The following ANKRD30A variants were observed in gnomAD, a reference collection of about 807,000 sequenced individuals.
ANKRD30A encodes ankyrin repeat domain 30A.
ANKRD30A carries 170 observed loss-of-function variants against 166.3 expected under a neutral mutation model. The ratio of observed to expected loss-of-function variants is 1.02; its 90% CI spans 0.90 to 1.16. The LOEUF (loss-of-function observed/expected upper bound fraction) is 1.16, where lower values mean the gene tolerates loss of function less well. Among genes scored for constraint, ANKRD30A ranks in the 50% most tolerant of loss-of-function variants. ANKRD30A has a pLI of 0.00. For missense variants in ANKRD30A, 1,630 were observed against 1,518.0 expected (o/e 1.07, Z -1.23); for synonymous variants, 564 against 508.9 (o/e 1.11, Z -1.46).
intron 24 of ANKRD30A, among the ~76,000 whole-genome samples, chr10:37,177,952 T>C (rs1425697230): frequency 6.7e-6 from 1 of 149,400 alleles, no homozygotes; most frequent in Non-Finnish European, 1.5e-5. Context: ...GAAGAGGAGC[T>C]GAATTACTAG....
intron 31 of ANKRD30A, among the ~76,000 whole-genome samples, chr10:37,211,819 C>T (rs540016925): frequency 0.014 from 2,194 of 152,010 alleles, 20 homozygotes; most frequent in South Asian, 0.023. Context: ...TTTTAATGAT[C>T]GCCATTCTAA....
chr10:37,210,894 A>T (rs949674423), intron 31 of ANKRD30A, among the ~76,000 whole-genome samples: 6 of 151,974 alleles, frequency 3.9e-5, no homozygotes, highest in Admixed American at 1.3e-4. Context: ...AGATTGCAAA[A>T]ATTTTCTCCC....
intron 31 of ANKRD30A, among the ~76,000 whole-genome samples, chr10:37,203,203 T>A (rs1193527904): frequency 6.6e-6 from 1 of 152,204 alleles, no homozygotes; most frequent in Non-Finnish European, 1.5e-5. Flanking sequence ...TTTAGACCAG[T>A]ATCCCTGATG....
the ANKRD30A span, among the ~76,000 whole-genome samples, chr10:37,244,544 C>T: frequency 2.6e-5 from 4 of 152,234 alleles, no homozygotes; most frequent in Non-Finnish European, 5.9e-5. Flanking sequence ...CAATACCATT[C>T]TGTGTGACCA....
intron 31 of ANKRD30A, among the ~76,000 whole-genome samples, chr10:37,210,261 C>T (rs1200712596): frequency 1.3e-5 from 2 of 152,120 alleles, no homozygotes; most frequent in African/African-American, 4.8e-5. Context: ...TGGTTTCCAG[C>T]TTCATCCATG....
chr10:37,160,239 T>C (rs961005309), intron 15 of ANKRD30A, among the ~76,000 whole-genome samples: 1 of 152,232 alleles, frequency 6.6e-6, no homozygotes, highest in Non-Finnish European at 1.5e-5. Context: ...GGGTATTTAC[T>C]GCTTCATCCA....
chr10:37,154,538 G>T (rs1336354050), intron 13 of ANKRD30A, among the ~76,000 whole-genome samples: 1 of 151,972 alleles, frequency 6.6e-6, no homozygotes, highest in Non-Finnish European at 1.5e-5. Context: ...TTTAGTCAGG[G>T]GAGAAGAAGA....
chr10:37,222,003 A>G (rs1293843328), intron 34 of ANKRD30A, among the ~76,000 whole-genome samples: 1 of 151,422 alleles, frequency 6.6e-6, no homozygotes, highest in East Asian at 1.9e-4. Context: ...AAACATTTAG[A>G]TCATGTATAG....
chr10:37,126,072 T>C, intron 1 of ANKRD30A, 64 bp downstream of exon 1: 1 of 1,503,580 alleles, frequency 6.7e-7, no homozygotes, highest in Non-Finnish European at 9.2e-7. Flanking sequence ...GATCGCCCCT[T>C]CAGAGTCGGG....
Position 37,217,730 on chromosome 10 carries a change from A to G in ANKRD30A, c.3119A>G (p.Asn1040Ser), listed in dbSNP as rs879241052. 3.8e-6 allele frequency: 6 copies of G among 1,589,298 alleles called. No individual in the cohort carries two copies. Among genetic ancestry groups the G allele is most frequent in the Non-Finnish European group, 5.1e-6 (6 of 1,169,308 alleles). ...TLNQEEEKRR[N>S]ADILNEKIRE... is the part of the protein sequence containing the mutation. ...AACCAAGAAGAAGAGAAGAGAAGAA[A>G]TGCCGATATATTAAATGAAAAAATT... The change falls in exon 33 of 36, where the codon AAT becomes AGT. Residue 1040 changes from asparagine (N) to serine (S), a missense_variant. Coordinates refer to ENST00000361713, the MANE Select transcript of ANKRD30A (RefSeq NM_052997.3).
At chr10:37,150,200 G>A (rs1215766406) in intron 11 of ANKRD30A, among the ~76,000 whole-genome samples, 1 of 151,744 alleles carries the variant, frequency 6.6e-6, no homozygotes, top group Non-Finnish European at 1.5e-5. Flanking sequence ...TGTTTACTTC[G>A]GGGATCACGT....
the ANKRD30A span, among the ~76,000 whole-genome samples, chr10:37,249,803 A>G: frequency 2.0e-5 from 3 of 152,230 alleles, no homozygotes; most frequent in African/African-American, 7.2e-5. Flanking sequence ...AGGTTAAGAA[A>G]TTGGGACTTA....
Position 37,199,737 on chromosome 10 carries a change from C to T in ANKRD30A, c.2727C>T (p.Phe909=), listed in dbSNP as rs868751390. The change falls in exon 30 of 36, where the codon TTC becomes TTT. Residue 909 remains phenylalanine (F), a synonymous_variant. Transcript: ENST00000361713. Reference sequence around the variant, plus strand: ...ATTAACCTTTTATAGATCAGATGTTCCCTTCAGAATCAAAACAAAAGAAGG... The same window carrying T: ...ATTAACCTTTTATAGATCAGATGTTTCCTTCAGAATCAAAACAAAAGAAGG... ...NEQTLRADQM[F]PSESKQKKVE... 2.5e-6 allele frequency: 4 copies of T among 1,575,274 alleles called. No individual in the cohort carries two copies. The highest frequency in any genetic ancestry group is 1.7e-4 in the Middle Eastern group (1 of 5,924).
chr10:37,156,895 C>T (rs1201072007), intron 13 of ANKRD30A, among the ~76,000 whole-genome samples: 1 of 152,088 alleles, frequency 6.6e-6, no homozygotes, highest in Non-Finnish European at 1.5e-5. Context: ...CACATACATG[C>T]AATATGGTCA....
chr10:37,165,931 A>G (rs1204311754), intron 18 of ANKRD30A, among the ~76,000 whole-genome samples: 16 of 152,206 alleles, frequency 1.1e-4, no homozygotes, highest in Non-Finnish European at 2.2e-4. Context: ...ATTTTATCTG[A>G]TATTTTATTA....
intron 1 of ANKRD30A, among the ~76,000 whole-genome samples, chr10:37,127,382 C>T (rs1317754665): frequency 6.6e-6 from 1 of 151,898 alleles, no homozygotes; most frequent in African/African-American, 2.4e-5. Context: ...TTTATCTTGA[C>T]AAAACCTTTT....
chr10:37,248,715 T>C, the ANKRD30A span, among the ~76,000 whole-genome samples: 2 of 151,676 alleles, frequency 1.3e-5, no homozygotes, highest in East Asian at 1.9e-4. Flanking sequence ...TTTTTTTTAA[T>C]GAAACAGAGA....
At chr10:37,225,628 A>T (rs551283547) in intron 34 of ANKRD30A, among the ~76,000 whole-genome samples, 5 of 151,844 alleles carry the variant, frequency 3.3e-5, no homozygotes, top group Admixed American at 2.6e-4. Flanking sequence ...TTTTAAAAAA[A>T]TTTTTTTGGG....
chr10:37,251,761 A>G, the ANKRD30A span, among the ~76,000 whole-genome samples: 3 of 152,180 alleles, frequency 2.0e-5, no homozygotes, highest in Non-Finnish European at 2.9e-5. Flanking sequence ...AATGCTTCCA[A>G]GAATTTCACT....
Sources: allele counts gnomAD v4.1 joint callset (sites outside exome capture counted in the v4.1 genomes callset), GRCh38; gene constraint gnomAD v4.1.1; transcripts MANE v1.5; gene names NCBI Gene and HGNC (gene_info 2026-07-23, HGNC 2026-07-21).